SV2C: variants seen among roughly 807,000 people sequenced by gnomAD.
SV2C encodes the protein solute carrier family 22 member B3.
Under a neutral mutation model 79.7 loss-of-function variants are expected in SV2C, and 49 were observed. The ratio of observed to expected loss-of-function variants is 0.61; its 90% confidence interval spans 0.49 to 0.78. SV2C has a LOEUF of 0.78. SV2C is among the 30% of genes least tolerant of loss of function. SV2C has a pLI of 0.00. For synonymous variants in SV2C, 334 were observed against 333.2 expected, an observed-to-expected ratio of 1.00 and a Z score of -0.03; for missense variants, 833 against 912.9, an observed-to-expected ratio of 0.91 and a Z score of 1.13.
At chr5:75,855,977 ACTCT>A in the SV2C span, among the ~76,000 whole-genome samples, 2 of 151,976 alleles carry the variant, frequency 1.3e-5, no homozygotes, top group East Asian at 3.9e-4. Context: ...AGATCATTGT[ACTCT>A]CTATCTCCAT....
At chr5:75,899,584 G>A in the SV2C span, among the ~76,000 whole-genome samples, 19 of 152,128 alleles carry the variant, frequency 1.2e-4, no homozygotes, top group Admixed American at 6.5e-4. Context: ...TATTAGGTCC[G>A]CTTGGTGCAG....
the SV2C span, among the ~76,000 whole-genome samples, chr5:75,913,731 G>A: frequency 5.9e-5 from 9 of 152,202 alleles, no homozygotes; most frequent in South Asian, 1.9e-3. Flanking sequence ...CCATCTCTTG[G>A]CCCTGTTTCA....
the SV2C span, among the ~76,000 whole-genome samples, chr5:75,857,377 A>G: frequency 6.6e-6 from 1 of 151,892 alleles, no homozygotes; most frequent in African/African-American, 2.4e-5. Context: ...TCCTCTCCCC[A>G]TTGTTTGTTC....
intron 8 of SV2C, among the ~76,000 whole-genome samples, chr5:76,294,692 T>C (rs1747683754): frequency 6.6e-6 from 1 of 152,242 alleles, no homozygotes; most frequent in South Asian, 2.1e-4. Flanking sequence ...ATTTATAGTA[T>C]ATCTCAGTTT....
At chr5:76,119,332 A>C (rs1748399806) in intron 1 of SV2C, among the ~76,000 whole-genome samples, 1 of 152,224 alleles carries the variant, frequency 6.6e-6, no homozygotes, top group Admixed American at 6.5e-5. Context: ...GATATTTCAA[A>C]GTACTGTTGG....
chr5:75,939,361 A>T, the SV2C span, among the ~76,000 whole-genome samples: 13 of 152,072 alleles, frequency 8.5e-5, no homozygotes, highest in African/African-American at 2.9e-4. Context: ...CCCATGGCAG[A>T]CAGGGGAGAG....
chr5:76,328,669 C>G lies in SV2C; in HGVS notation c.*3122C>G, dbSNP rs1749080832. 6.6e-6 allele frequency: 1 copy of G among 152,098 alleles called. No individual in the cohort carries two copies. The highest frequency in any genetic ancestry group is 1.5e-5 in the Non-Finnish European group (1 of 68,068). 9.4% of individuals were successfully genotyped at this position (152,098 alleles called of 1,614,324 possible). A position where few individuals can be genotyped will look rare whatever the true frequency, so the allele number is the denominator to read the frequency against. On this transcript the variant is annotated 3_prime_UTR_variant, in exon 13 of 13. Coordinates refer to ENST00000502798, the MANE Select transcript of SV2C (RefSeq NM_014979.4). Reference sequence around the variant, plus strand: ...CTCTAGTTCTCACTTTCCCCGTGCACAAAATAAAGGATTGGGACTAGTCTG... The same window carrying G: ...CTCTAGTTCTCACTTTCCCCGTGCAGAAAATAAAGGATTGGGACTAGTCTG...
downstream of SV2C, among the ~76,000 whole-genome samples, chr5:76,336,560 G>A (rs188895550): frequency 2.4e-3 from 362 of 152,254 alleles, 2 homozygotes; most frequent in African/African-American, 7.6e-3. Flanking sequence ...GGTGGAGGCC[G>A]CAGTGAGCCG....
rs1554049232 is a variant in SV2C, at chr5:76,340,945, T to TC, written c.2001-12183dup. The stretch of plus-strand genomic sequence containing the variant: ...CAAAATTTTTTTTTTTTTTTTTTTT[T>TC]CCGAGATGGAGTTTCACTCTTGTCG... On this transcript the variant is annotated intron_variant, in intron 12 of 12. Coordinates refer to the SV2C transcript ENST00000322285. Among the ~76,000 whole-genome samples, 11 of 149,514 alleles carry TC rather than the reference T, an allele frequency of 7.4e-5. No individual in the cohort carries two copies. In the East Asian group the frequency reaches 1.2e-3, roughly 16 times the overall value.
the SV2C span, among the ~76,000 whole-genome samples, chr5:75,865,144 G>A: frequency 6.6e-6 from 1 of 152,184 alleles, no homozygotes; most frequent in Non-Finnish European, 1.5e-5. Context: ...GAACAATTGA[G>A]CATGGGACAC....
chr5:76,343,988 T>C (rs1749491340), intron 12 of SV2C, among the ~76,000 whole-genome samples: 1 of 151,668 alleles, frequency 6.6e-6, no homozygotes, highest in South Asian at 2.1e-4. Flanking sequence ...GTCACTGCAC[T>C]CTAGCCTGGG....
At chr5:76,315,296 CTT>C (rs1748582406) in intron 12 of SV2C, among the ~76,000 whole-genome samples, 1 of 151,408 alleles carries the variant, frequency 6.6e-6, no homozygotes, top group Non-Finnish European at 1.5e-5. Flanking sequence ...TCTTTTCTGA[CTT>C]AATATGAAAT....
chr5:76,015,002 TC>T, the SV2C span, among the ~76,000 whole-genome samples: 126 of 152,310 alleles, frequency 8.3e-4, no homozygotes, highest in African/African-American at 2.9e-3. Context: ...TCATTGCCCA[TC>T]CAATATTCCA....
the SV2C span, among the ~76,000 whole-genome samples, chr5:75,892,730 C>T: frequency 6.6e-6 from 1 of 152,084 alleles, no homozygotes; most frequent in Admixed American, 6.6e-5. Flanking sequence ...TAAAGGCCTC[C>T]AGCTGCATCC....
chr5:75,937,885 T>A, the SV2C span, among the ~76,000 whole-genome samples: 1 of 151,852 alleles, frequency 6.6e-6, no homozygotes, highest in Non-Finnish European at 1.5e-5. Context: ...ATCTCTTTTT[T>A]TTTGCGTTTT....
At chr5:76,183,841 A>C (rs1424440716) in intron 2 of SV2C, among the ~76,000 whole-genome samples, 2 of 152,134 alleles carry the variant, frequency 1.3e-5, no homozygotes. Context: ...CTCATTCATT[A>C]TTCAAAACCC....
At chr5:76,315,610 C>A (rs1396326093) in intron 12 of SV2C, among the ~76,000 whole-genome samples, 2 of 152,076 alleles carry the variant, frequency 1.3e-5, no homozygotes, top group African/African-American at 2.4e-5. Flanking sequence ...TATAAACCAG[C>A]CCTTGGAGGG....
intron 1 of SV2C, among the ~76,000 whole-genome samples, chr5:76,089,650 G>A (rs1747306357): frequency 6.6e-6 from 1 of 152,174 alleles, no homozygotes; most frequent in Admixed American, 6.5e-5. Context: ...CACCAACAGT[G>A]GAAAAGCATT....
intron 1 of SV2C, among the ~76,000 whole-genome samples, chr5:76,095,585 C>T (rs1421909273): frequency 6.6e-6 from 1 of 151,892 alleles, no homozygotes; most frequent in African/African-American, 2.4e-5. Context: ...ATAGAGTCTT[C>T]CAAAGTCATG....
Sources: gnomAD v4.1 joint callset for allele counts (sites outside exome capture counted in the v4.1 genomes callset) on GRCh38, gnomAD v4.1.1 for gene constraint, MANE v1.5 for transcripts, NCBI Gene and HGNC (gene_info 2026-07-23, HGNC 2026-07-21) for gene names.